Variants in RCSD1 observed in about 807,000 individuals in gnomAD.
The protein encoded by RCSD1 is RCSD domain containing 1, also known as capZ-interacting protein.
RCSD1 carries 26 observed loss-of-function variants against 42.5 expected under a neutral mutation model. The observed-to-expected ratio is 0.61, with a 90% CI of 0.45 to 0.85. RCSD1 has a LOEUF of 0.85. Ranked by LOEUF, RCSD1 falls within the 40% of genes least tolerant of loss-of-function variation. The probability of loss-of-function intolerance (pLI) is 0.00; values close to 1 mark genes in which losing one functional copy is unlikely to be tolerated. For synonymous variants in RCSD1, 220 were observed against 212.2 expected, an observed-to-expected ratio of 1.04 and a Z score of -0.32; for missense variants, 571 against 528.3, an observed-to-expected ratio of 1.08 and a Z score of -0.79.
intron 1 of RCSD1, among the ~76,000 whole-genome samples, chr1:167,669,270 A>G (rs1476101861): frequency 6.6e-6 from 1 of 152,266 alleles, no homozygotes; most frequent in Admixed American, 6.5e-5. Flanking sequence ...GTGCAGATAC[A>G]GACTGATTAA....
At chr1:167,656,672 C>T (rs918205410) in intron 1 of RCSD1, among the ~76,000 whole-genome samples, 4 of 152,156 alleles carry the variant, frequency 2.6e-5, no homozygotes, top group East Asian at 3.8e-4. Flanking sequence ...CAGGACAGGA[C>T]GCCTTCCACA....
In RCSD1 at chr1:167,697,797, G is replaced by A. The variant is rs1289328061; in HGVS notation, c.1173G>A (p.Glu391=). Residue 391 remains glutamate, a synonymous_variant, in exon 6 of 7, where the codon GAG becomes GAA. Transcript: ENST00000367854. ...CSPQTGPAQL[E]TSSEVQSEPA... ...CCCAGACCGGCCCTGCCCAGCTGGA[G>A]ACCAGCAGTGAGGTCCAGAGCGAGC... The A allele has an allele frequency of 1.4e-6, 2 of 1,480,506 alleles. No homozygotes were observed. The highest frequency in any genetic ancestry group is 1.8e-6 in the Non-Finnish European group (2 of 1,116,980). 91.7% of individuals were successfully genotyped at this position (1,480,506 alleles called of 1,614,324 possible). A position where few individuals can be genotyped will look rare whatever the true frequency, so the allele number is the denominator to read the frequency against.
intron 1 of RCSD1, among the ~76,000 whole-genome samples, chr1:167,644,217 C>T (rs1571672525): frequency 1.3e-5 from 2 of 152,166 alleles, no homozygotes; most frequent in South Asian, 4.1e-4. Flanking sequence ...CGGTGGCTCA[C>T]GTCTGTAATT....
intron 1 of RCSD1, among the ~76,000 whole-genome samples, chr1:167,673,681 T>C (rs879914607): frequency 3.9e-5 from 6 of 152,350 alleles, no homozygotes; most frequent in South Asian, 4.1e-4. Context: ...TGCCTTACTC[T>C]GGACAAGCCA....
chr1:167,704,940 C>T lies in RCSD1; in HGVS notation c.*244C>T. 2.1e-6 allele frequency: 1 copy of T among 472,816 alleles called. No homozygotes were observed. Among genetic ancestry groups the T allele is most frequent in the Non-Finnish European group, 3.9e-6 (1 of 255,730 alleles). 29.3% of individuals were successfully genotyped at this position (472,816 alleles called of 1,614,324 possible). On this transcript the variant is annotated 3_prime_UTR_variant, in exon 7 of 7. Coordinates refer to ENST00000367854, the MANE Select transcript of RCSD1 (RefSeq NM_052862.4). ...GCTTGAGTTTATGTCATTTGATGGACTTGGTTCAACAACAAGAACTTACTT... is the reference window on the plus strand; with the variant it reads ...GCTTGAGTTTATGTCATTTGATGGATTTGGTTCAACAACAAGAACTTACTT...
chr1:167,678,300 C>T (rs1282219042), intron 1 of RCSD1, among the ~76,000 whole-genome samples: 1 of 152,140 alleles, frequency 6.6e-6, no homozygotes, highest in Non-Finnish European at 1.5e-5. Context: ...TATTCAACCT[C>T]CTGCATTGCA....
chr1:167,662,183 G>A (rs1658554381), intron 1 of RCSD1, among the ~76,000 whole-genome samples: 1 of 152,220 alleles, frequency 6.6e-6, no homozygotes, highest in Non-Finnish European at 1.5e-5. Flanking sequence ...CCAAGGGGCT[G>A]GGCCTGTGCC....
rs1373091983 is a variant in RCSD1 at position 167,706,615 on chromosome 1, C to T, written c.*1919C>T. ...AAATGACAAGAATGTGACATTGCGG[C>T]ACCATGCTTGTGGGCATCAGAATAC... On this transcript the variant is annotated 3_prime_UTR_variant, in exon 7 of 7. Transcript: ENST00000367854. Among the ~76,000 whole-genome samples, 1 of 152,116 alleles carries T rather than the reference C, an allele frequency of 6.6e-6. No homozygotes were observed. The highest frequency in any genetic ancestry group is 1.5e-5 in the Non-Finnish European group (1 of 68,032).
intron 1 of RCSD1, among the ~76,000 whole-genome samples, chr1:167,633,342 C>CTAGA (rs1389664843): frequency 6.6e-6 from 1 of 152,078 alleles, no homozygotes; most frequent in Middle Eastern, 3.2e-3. Context: ...GGAGTTCAGA[C>CTAGA]TAGATTAGGT....
intron 1 of RCSD1, among the ~76,000 whole-genome samples, chr1:167,646,432 A>G (rs550655520): frequency 1.2e-4 from 15 of 126,712 alleles, no homozygotes; most frequent in African/African-American, 4.7e-4. Flanking sequence ...GCCGACCATA[A>G]GCTAACACTT....
At chr1:167,700,929 G>C (rs1659622491) in intron 6 of RCSD1, among the ~76,000 whole-genome samples, 1 of 152,192 alleles carries the variant, frequency 6.6e-6, no homozygotes, top group African/African-American at 2.4e-5. Context: ...GGGTTGAAAA[G>C]TCACTTTGGT....
At chr1:167,662,841 T>C (rs1233403865) in intron 1 of RCSD1, among the ~76,000 whole-genome samples, 5 of 152,228 alleles carry the variant, frequency 3.3e-5, no homozygotes, top group African/African-American at 1.2e-4. Flanking sequence ...TGGCCGAGTT[T>C]CTTGCGATTC....
chr1:167,702,291 G>C (rs1447909420), intron 6 of RCSD1, among the ~76,000 whole-genome samples: 1 of 152,210 alleles, frequency 6.6e-6, no homozygotes, highest in Non-Finnish European at 1.5e-5. Flanking sequence ...GCACTATAAA[G>C]GGTCACCTTA....
At chr1:167,637,183 A>G (rs1362095005) in intron 1 of RCSD1, among the ~76,000 whole-genome samples, 1 of 152,192 alleles carries the variant, frequency 6.6e-6, no homozygotes, top group Non-Finnish European at 1.5e-5. Flanking sequence ...GAGCATTCCA[A>G]TCAGAAAGAG....
intron 1 of RCSD1, among the ~76,000 whole-genome samples, chr1:167,639,090 A>G (rs373094569): frequency 1.1e-4 from 16 of 152,168 alleles, no homozygotes; most frequent in Admixed American, 5.9e-4. Flanking sequence ...GGTGGCAGGC[A>G]CCTGTAGTCC....
rs771774802 is a variant in RCSD1, at chr1:167,697,741, G to A, written c.1117G>A (p.Glu373Lys). ...GGAAAAAGGCAAGGAAAAACAACAG[G>A]AGGGGGCAGTGCTCGAGCCAGGCTG... ...KQEKGKEKQQ[E>K]GAVLEPGCSP... Residue 373 changes from glutamate to lysine, a missense_variant, in exon 6 of 7, where the codon GAG (glutamate) becomes AAG (lysine). Transcript: ENST00000367854. The A allele has an allele frequency of 4.5e-6, 7 of 1,567,868 alleles. No homozygotes were observed. The highest frequency in any genetic ancestry group is 1.4e-5 in the African/African-American group (1 of 73,582).
chr1:167,657,246 G>A lies in RCSD1; in HGVS notation c.7-26654G>A, dbSNP rs146347489. ...TGGAGATACAATCTGTTTATCACCA[G>A]GGATATAGATGGATCTATGCTTGTT... On this transcript the variant is annotated intron_variant, in intron 1 of 6. Coordinates refer to ENST00000367854, the MANE Select transcript of RCSD1 (RefSeq NM_052862.4). Among the ~76,000 whole-genome samples, 20 of 152,334 alleles carry A rather than the reference G, an allele frequency of 1.3e-4. No individual in the cohort carries two copies. The East Asian group carries it at 2.1e-3, about 16-fold the overall frequency.
intron 1 of RCSD1, among the ~76,000 whole-genome samples, chr1:167,677,619 T>C (rs1170940919): frequency 2.0e-5 from 3 of 152,206 alleles, no homozygotes; most frequent in South Asian, 2.1e-4. Flanking sequence ...TTTCACCAGA[T>C]ACACAATTTA....
intron 6 of RCSD1, among the ~76,000 whole-genome samples, chr1:167,699,381 C>T (rs988642416): frequency 1.3e-5 from 2 of 152,272 alleles, no homozygotes; most frequent in Non-Finnish European, 2.9e-5. Flanking sequence ...CTGTTCCTCT[C>T]CCTTAAGTTC....
Sources: gnomAD v4.1 joint callset for allele counts (sites outside exome capture counted in the v4.1 genomes callset) on GRCh38, gnomAD v4.1.1 for gene constraint, MANE v1.5 for transcripts, NCBI Gene and HGNC (gene_info 2026-07-23, HGNC 2026-07-21) for gene names.